The following TMEM74 variants were observed in gnomAD, a reference collection of about 807,000 sequenced individuals.
TMEM74 encodes transmembrane protein 74.
Under a neutral mutation model 18.1 loss-of-function variants are expected in TMEM74, and 13 were observed. The observed-to-expected ratio is 0.72, with a 90% CI of 0.47 to 1.14. TMEM74 has a LOEUF of 1.14. Among genes scored for constraint, TMEM74 ranks in the 50% most tolerant of loss-of-function variants. The pLI is 0.00. For synonymous variants in TMEM74, 159 were observed against 146.6 expected (o/e 1.08, Z -0.61); for missense variants, 372 against 375.9 (o/e 0.99, Z 0.09).
At chr8:108,665,310 G>C (rs942908576) in intron 1 of TMEM74, among the ~76,000 whole-genome samples, 1 of 152,078 alleles carries the variant, frequency 6.6e-6, no homozygotes, top group Non-Finnish European at 1.5e-5. Flanking sequence ...TCTAATGAGG[G>C]AATTGTTATT....
At chr8:108,630,983 C>G (rs1214793873) in intron 2 of TMEM74, among the ~76,000 whole-genome samples, 1 of 151,944 alleles carries the variant, frequency 6.6e-6, no homozygotes, top group Admixed American at 6.6e-5. Flanking sequence ...TCACATACAC[C>G]TACACTCACT....
downstream of TMEM74, among the ~76,000 whole-genome samples, chr8:108,778,968 C>T (rs138541060): frequency 6.6e-6 from 1 of 151,998 alleles, no homozygotes; most frequent in Non-Finnish European, 1.5e-5. Flanking sequence ...GAATGACAAA[C>T]CTAAATTAGG....
At chr8:108,663,183 CATCT>C (rs751696372) in intron 1 of TMEM74, among the ~76,000 whole-genome samples, 3 of 151,830 alleles carry the variant, frequency 2.0e-5, no homozygotes, top group Admixed American at 6.6e-5. Flanking sequence ...AATTTTTTTC[CATCT>C]ATCTATCTGA....
At chr8:108,719,055 A>G (rs914560934) in intron 1 of TMEM74, among the ~76,000 whole-genome samples, 5 of 151,836 alleles carry the variant, frequency 3.3e-5, no homozygotes, top group African/African-American at 1.2e-4. Flanking sequence ...GTTCCGATAA[A>G]AATTACATAA....
intron 2 of TMEM74, among the ~76,000 whole-genome samples, chr8:108,632,111 A>C (rs1812558500): frequency 6.6e-6 from 1 of 152,016 alleles, no homozygotes; most frequent in East Asian, 1.9e-4. Context: ...TGCTATAAGA[A>C]TGCACAGGAA....
rs11985171 is a variant in TMEM74 at position 108,662,243 on chromosome 8, C to T, written n.120-6806G>A. On this transcript the variant is annotated intron_variant and non_coding_transcript_variant, in intron 1 of 3. Coordinates refer to the TMEM74 transcript ENST00000518838. ...AAAGAGAGATGGAAAAACACACACACATACAAACACACACATAAGACAGAA... is the reference window on the plus strand; with the variant it reads ...AAAGAGAGATGGAAAAACACACACATATACAAACACACACATAAGACAGAA... Among the ~76,000 whole-genome samples, 743 of 152,098 alleles carry T rather than the reference C, an allele frequency of 4.9e-3. 6 individuals are homozygous for T. Among genetic ancestry groups the T allele is most frequent in the African/African-American group, 0.017 (716 of 41,494 alleles).
intron 1 of TMEM74, among the ~76,000 whole-genome samples, chr8:108,700,467 C>T (rs765720727): frequency 2.3e-4 from 34 of 147,854 alleles, no homozygotes; most frequent in African/African-American, 5.4e-4. Flanking sequence ...GAGCATCCAA[C>T]GACTAAAAGA....
intron 2 of TMEM74, among the ~76,000 whole-genome samples, chr8:108,636,438 A>T (rs1263363427): frequency 6.6e-6 from 1 of 152,116 alleles, no homozygotes; most frequent in African/African-American, 2.4e-5. Flanking sequence ...GGCACTTAGC[A>T]GAAGGAAAAG....
rs189830602 is a variant in TMEM74 at position 108,697,816 on chromosome 8, C to T, written n.120-42379G>A. Among the ~76,000 whole-genome samples, 6 of 152,112 alleles carry T rather than the reference C, an allele frequency of 3.9e-5. No individual in the cohort carries two copies. In the East Asian group the frequency reaches 1.2e-3, roughly 29 times the overall value. On this transcript the variant is annotated intron_variant and non_coding_transcript_variant, in intron 1 of 3. Transcript: ENST00000518838. The stretch of plus-strand genomic sequence containing the variant: ...TTTCTTTGTATGAGGTCTACTGATC[C>T]TCTTTATTTGCGTTTGTTTTGTTTT...
rs150978676 is a variant in TMEM74 at position 108,654,452 on chromosome 8, G to A, written n.264+841C>T. On this transcript the variant is annotated intron_variant and non_coding_transcript_variant, in intron 2 of 3. Transcript: ENST00000518838. ...ATCTTATACATAGTAATCACTGCCT[G>A]TGATATATTATAAATATGTTCTTAG... Among the ~76,000 whole-genome samples the A allele has an allele frequency of 1.2e-4, 18 of 152,262 alleles. No homozygotes were observed. In the East Asian group the frequency reaches 3.5e-3, roughly 29 times the overall value.
At chr8:108,787,267 C>G (rs1814400448) in intron 1 of TMEM74, among the ~76,000 whole-genome samples, 1 of 152,218 alleles carries the variant, frequency 6.6e-6, no homozygotes, top group African/African-American at 2.4e-5. Flanking sequence ...AAGCACCTGG[C>G]AGCGGTGCCC....
chr8:108,613,828 A>C (rs1370088427), intron 2 of TMEM74, among the ~76,000 whole-genome samples: 6 of 152,202 alleles, frequency 3.9e-5, no homozygotes, highest in Non-Finnish European at 8.8e-5. Flanking sequence ...TGAGGAGTAT[A>C]AACTACAAGG....
intron 1 of TMEM74, among the ~76,000 whole-genome samples, chr8:108,720,423 A>G (rs1294595719): frequency 6.6e-6 from 1 of 152,238 alleles, no homozygotes; most frequent in East Asian, 1.9e-4. Context: ...AAGACATAGT[A>G]TAAAACCTAT....
intron 1 of TMEM74, among the ~76,000 whole-genome samples, chr8:108,742,438 A>G (rs1424318698): frequency 3.3e-5 from 5 of 152,192 alleles, no homozygotes; most frequent in Non-Finnish European, 7.4e-5. Context: ...ACTATCTTTC[A>G]TTTATTAGAT....
intron 2 of TMEM74, among the ~76,000 whole-genome samples, chr8:108,613,444 A>G (rs1812354359): frequency 6.6e-6 from 1 of 152,218 alleles, no homozygotes; most frequent in Admixed American, 6.5e-5. Context: ...AATTAATGGG[A>G]GAGAAGAATA....
intron 1 of TMEM74, among the ~76,000 whole-genome samples, chr8:108,746,952 T>C (rs1267952694): frequency 2.0e-5 from 3 of 152,158 alleles, no homozygotes; most frequent in Non-Finnish European, 4.4e-5. Flanking sequence ...TCCTGATTTA[T>C]ATCTTTCTAT....
At chr8:108,688,449 G>A (rs1354948989) in intron 1 of TMEM74, among the ~76,000 whole-genome samples, 2 of 152,184 alleles carry the variant, frequency 1.3e-5, no homozygotes, top group Non-Finnish European at 2.9e-5. Flanking sequence ...AGGCAGCTAG[G>A]GGAGCAAGGG....
At chr8:108,709,076 G>A (rs896419969) in intron 1 of TMEM74, among the ~76,000 whole-genome samples, 2 of 152,122 alleles carry the variant, frequency 1.3e-5, no homozygotes, top group Admixed American at 6.5e-5. Flanking sequence ...TACACTGTTC[G>A]TGAGAATGTA....
At chr8:108,701,785 T>G (rs888785649) in intron 1 of TMEM74, among the ~76,000 whole-genome samples, 1 of 151,692 alleles carries the variant, frequency 6.6e-6, no homozygotes, top group Non-Finnish European at 1.5e-5. Context: ...ATGTAAAGAG[T>G]CAGTATTGTC....
Sources: gnomAD v4.1 joint callset for allele counts (sites outside exome capture counted in the v4.1 genomes callset) on GRCh38, gnomAD v4.1.1 for gene constraint, MANE v1.5 for transcripts, NCBI Gene and HGNC (gene_info 2026-07-23, HGNC 2026-07-21) for gene names.